CCSER1: variants seen among roughly 807,000 people sequenced by gnomAD.
The protein encoded by CCSER1 is serine-rich coiled-coil domain-containing protein 1.
CCSER1 carries 41 observed loss-of-function variants against 82.0 expected under a neutral mutation model. The ratio of observed to expected loss-of-function variants is 0.50; its 90% CI spans 0.39 to 0.65. The LOEUF (loss-of-function observed/expected upper bound fraction) is 0.65. CCSER1 is among the 30% of genes least tolerant of loss of function. The pLI is 0.00. For synonymous variants in CCSER1, 414 were observed against 383.9 expected, an observed-to-expected ratio of 1.08 and a Z score of -0.92; for missense variants, 1,119 against 1,064.2, an observed-to-expected ratio of 1.05 and a Z score of -0.72.
Position 91,392,958 on chromosome 4 carries a change from A to G in CCSER1, c.2218-205614A>G, listed in dbSNP as rs993340894. Among the ~76,000 whole-genome samples the G allele has an allele frequency of 2.6e-5, 4 of 152,084 alleles. No homozygotes were observed. The East Asian group carries it at 7.7e-4, about 29-fold the overall frequency. On this transcript the variant is annotated intron_variant, in intron 10 of 10. Coordinates refer to ENST00000509176, the MANE Select transcript of CCSER1 (RefSeq NM_001145065.2). ...TCGAGTTTTTGATAAAGGAAGTCAG[A>G]TATAGGGCTGAGGTGGTGTATTTTT...
chr4:90,617,098 T>C (rs1455855540), intron 5 of CCSER1, among the ~76,000 whole-genome samples: 5 of 152,208 alleles, frequency 3.3e-5, no homozygotes, highest in Non-Finnish European at 7.3e-5. Context: ...ATAAAACAAT[T>C]TATTCTTTTC....
intron 7 of CCSER1, among the ~76,000 whole-genome samples, chr4:90,796,544 T>C (rs1756068392): frequency 1.3e-5 from 2 of 152,054 alleles, no homozygotes; most frequent in Admixed American, 1.3e-4. Flanking sequence ...TTGTTTCCTC[T>C]TGATTTTCTA....
intron 10 of CCSER1, among the ~76,000 whole-genome samples, chr4:91,279,757 T>C (rs377456645): frequency 3.9e-5 from 6 of 152,190 alleles, no homozygotes; most frequent in African/African-American, 1.4e-4. Context: ...ATTTCTTCAT[T>C]GGAATTGTTG....
At chr4:90,403,518 A>G (rs1360396285) in intron 4 of CCSER1, among the ~76,000 whole-genome samples, 1 of 149,802 alleles carries the variant, frequency 6.7e-6, no homozygotes, top group Non-Finnish European at 1.5e-5. Context: ...AAAAAAAAAA[A>G]AAGAAAAAAG....
chr4:91,428,098 TTTTG>T (rs1754095595), intron 10 of CCSER1, among the ~76,000 whole-genome samples: 1 of 152,082 alleles, frequency 6.6e-6, no homozygotes, highest in Admixed American at 6.5e-5. Flanking sequence ...CCTGATAAGA[TTTTG>T]TTTATCTTGT....
chr4:90,729,245 A>G (rs1744266749), intron 7 of CCSER1, among the ~76,000 whole-genome samples: 1 of 152,250 alleles, frequency 6.6e-6, no homozygotes, highest in African/African-American at 2.4e-5. Flanking sequence ...AGTTCAATGC[A>G]AGAAAGTCTT....
intron 5 of CCSER1, among the ~76,000 whole-genome samples, chr4:90,499,967 G>T (rs773119790): frequency 5.9e-5 from 9 of 152,084 alleles, no homozygotes; most frequent in Non-Finnish European, 1.3e-4. Flanking sequence ...TTTTAAAATT[G>T]CAATTTTATA....
At chr4:90,197,684 AG>A (rs2008750945) in intron 1 of CCSER1, among the ~76,000 whole-genome samples, 2 of 152,190 alleles carry the variant, frequency 1.3e-5, no homozygotes, top group South Asian at 4.1e-4. Flanking sequence ...AGACACAGAA[AG>A]ACAAACATCA....
intron 4 of CCSER1, among the ~76,000 whole-genome samples, chr4:90,417,986 T>G (rs1403308883): frequency 6.6e-6 from 1 of 152,110 alleles, no homozygotes; most frequent in East Asian, 1.9e-4. Flanking sequence ...TATATAAAAC[T>G]AAGAAACATA....
At chr4:91,056,475 G>A (rs1046237545) in intron 9 of CCSER1, among the ~76,000 whole-genome samples, 2 of 152,022 alleles carry the variant, frequency 1.3e-5, no homozygotes, top group Non-Finnish European at 2.9e-5. Flanking sequence ...AAGAGGGAAG[G>A]GCAAAAGAAA....
chr4:90,984,804 CAGACTT>C (rs1736446238), intron 9 of CCSER1, among the ~76,000 whole-genome samples: 1 of 151,844 alleles, frequency 6.6e-6, no homozygotes, highest in Non-Finnish European at 1.5e-5. Flanking sequence ...TTTCTACAGT[CAGACTT>C]AGTATCTTAG....
chr4:91,061,352 G>A (rs1743935499), intron 9 of CCSER1, among the ~76,000 whole-genome samples: 1 of 151,788 alleles, frequency 6.6e-6, no homozygotes, highest in South Asian at 2.1e-4. Flanking sequence ...GAGGAGGAAA[G>A]CTTCAAACTG....
intron 1 of CCSER1, among the ~76,000 whole-genome samples, chr4:90,135,083 T>G (rs1377725716): frequency 7.2e-5 from 11 of 152,306 alleles, no homozygotes; most frequent in Non-Finnish European, 1.5e-5. Context: ...AAGAATGAAC[T>G]CTAACTTGAG....
intron 7 of CCSER1, among the ~76,000 whole-genome samples, chr4:90,732,225 A>C (rs1469358425): frequency 6.6e-6 from 1 of 152,166 alleles, no homozygotes; most frequent in African/African-American, 2.4e-5. Context: ...GAAACATGTC[A>C]GTCTAATTAG....
Position 91,600,762 on chromosome 4 carries a change from A to G in CCSER1, c.*1705A>G, listed in dbSNP as rs913896537. 14 of 152,164 alleles carry G rather than the reference A, an allele frequency of 9.2e-5. No homozygotes were observed. Among genetic ancestry groups the G allele is most frequent in the African/African-American group, 2.7e-4 (11 of 41,460 alleles). The allele number at this position is 152,164 out of a possible 1,614,324, so 9.4% of individuals were successfully genotyped here. On this transcript the variant is annotated 3_prime_UTR_variant, in exon 11 of 11. Coordinates refer to ENST00000509176, the MANE Select transcript of CCSER1 (RefSeq NM_001145065.2). ...GTTGTACTTGTAATTTTGGTTTTCC[A>G]AAGGAACACACATGTGCATCAAGGC...
At chr4:90,949,928 C>G (rs1382736587) in intron 9 of CCSER1, among the ~76,000 whole-genome samples, 1 of 152,066 alleles carries the variant, frequency 6.6e-6, no homozygotes, top group Non-Finnish European at 1.5e-5. Flanking sequence ...AAAAAACTTG[C>G]CTGCTGTCAC....
At chr4:90,646,253 G>T (rs1393050109) in intron 6 of CCSER1, among the ~76,000 whole-genome samples, 1 of 152,046 alleles carries the variant, frequency 6.6e-6, no homozygotes, top group Non-Finnish European at 1.5e-5. Context: ...AGTAATTTGT[G>T]TTTGGATTTG....
intron 9 of CCSER1, among the ~76,000 whole-genome samples, chr4:90,992,964 A>T (rs935201768): frequency 1.6e-4 from 24 of 152,044 alleles, no homozygotes; most frequent in Non-Finnish European, 3.4e-4. Flanking sequence ...ACACACCGGC[A>T]TGAACAACTG....
intron 5 of CCSER1, among the ~76,000 whole-genome samples, chr4:90,510,560 T>C (rs182247965): frequency 4.7e-4 from 71 of 152,366 alleles, no homozygotes; most frequent in African/African-American, 1.6e-3. Context: ...CGTTGTCTTT[T>C]CCAGCTTTTC....
Sources: gnomAD v4.1 joint callset for allele counts (sites outside exome capture counted in the v4.1 genomes callset) on GRCh38, gnomAD v4.1.1 for gene constraint, MANE v1.5 for transcripts, NCBI Gene and HGNC (gene_info 2026-07-23, HGNC 2026-07-21) for gene names.